COL25A1: variants seen among roughly 807,000 people sequenced by gnomAD.
The protein encoded by COL25A1 is collagen type XXV alpha 1 chain, also known as collagen alpha-1(XXV) chain.
In COL25A1, 103 loss-of-function variants were observed where a neutral mutation model predicts 128.4. That is an observed-to-expected ratio of 0.80 (90% CI 0.68 to 0.94). The LOEUF is 0.94. COL25A1 is among the 40% of genes least tolerant of loss of function. COL25A1 has a pLI of 0.00. For synonymous variants in COL25A1, 279 were observed against 277.2 expected, an observed-to-expected ratio of 1.01 and a Z score of -0.06; for missense variants, 745 against 840.0, an observed-to-expected ratio of 0.89 and a Z score of 1.40.
intron 3 of COL25A1, among the ~76,000 whole-genome samples, chr4:109,226,858 G>A (rs547452822): frequency 6.6e-6 from 1 of 152,144 alleles, no homozygotes; most frequent in South Asian, 2.1e-4. Context: ...ATTTTTGCAA[G>A]CACAAACACT....
chr4:109,134,085 C>A (rs1769472225), intron 3 of COL25A1, among the ~76,000 whole-genome samples: 1 of 151,004 alleles, frequency 6.6e-6, no homozygotes, highest in Non-Finnish European at 1.5e-5. Context: ...CAGAGGGAAG[C>A]ATGAAGATGA....
intron 3 of COL25A1, among the ~76,000 whole-genome samples, chr4:109,083,997 G>T (rs1764126258): frequency 6.6e-6 from 1 of 152,074 alleles, no homozygotes; most frequent in Non-Finnish European, 1.5e-5. Flanking sequence ...GTAGCATTTT[G>T]TTTTGTTTTA....
chr4:109,199,575 T>C (rs929269526), intron 3 of COL25A1, among the ~76,000 whole-genome samples: 1 of 152,226 alleles, frequency 6.6e-6, no homozygotes, highest in Non-Finnish European at 1.5e-5. Flanking sequence ...AATGCCTTTT[T>C]ATAGAAATGA....
Position 108,877,285 on chromosome 4 carries a change from A to G in COL25A1, c.1020+6893T>C, listed in dbSNP as rs117486775. Among the ~76,000 whole-genome samples the G allele has an allele frequency of 9.6e-4, 146 of 152,328 alleles. No homozygotes were observed. In the East Asian group the frequency reaches 0.022, roughly 23 times the overall value. ...TTCCATTTAGGCAGTCATAACTTCA[A>G]TCTTGTAGTATAAGCTCAGTGACTA... On this transcript the variant is annotated intron_variant, in intron 19 of 37. Transcript: ENST00000399132.
intron 3 of COL25A1, among the ~76,000 whole-genome samples, chr4:109,145,548 G>A (rs1578280878): frequency 6.6e-6 from 1 of 152,144 alleles, no homozygotes; most frequent in South Asian, 2.1e-4. Context: ...CATTAAGAGA[G>A]AAAGCACAGC....
chr4:109,286,291 A>G (rs1197206247), intron 3 of COL25A1, among the ~76,000 whole-genome samples: 1 of 152,170 alleles, frequency 6.6e-6, no homozygotes, highest in Non-Finnish European at 1.5e-5. Context: ...TACTATCATC[A>G]AACACAAAGA....
chr4:108,824,742 T>C (rs1474127408), intron 34 of COL25A1, among the ~76,000 whole-genome samples: 3 of 152,168 alleles, frequency 2.0e-5, no homozygotes, highest in African/African-American at 7.2e-5. Flanking sequence ...GGCATTTACT[T>C]TTGACATTCT....
chr4:109,120,949 A>G (rs1768055972), intron 3 of COL25A1, among the ~76,000 whole-genome samples: 1 of 152,196 alleles, frequency 6.6e-6, no homozygotes, highest in Admixed American at 6.6e-5. Flanking sequence ...AAGATATCAA[A>G]GAAGAACCAA....
intron 13 of COL25A1, among the ~76,000 whole-genome samples, chr4:108,913,363 G>A (rs191681752): frequency 2.7e-5 from 4 of 145,532 alleles, no homozygotes; most frequent in Non-Finnish European, 6.0e-5. Context: ...CGCCTCCAGG[G>A]TTCTCCTACC....
intron 5 of COL25A1, among the ~76,000 whole-genome samples, chr4:109,037,541 A>G (rs1759467227): frequency 6.6e-6 from 1 of 152,216 alleles, no homozygotes. Context: ...TTTCTTTTAC[A>G]TAGGTTCCAA....
intron 3 of COL25A1, among the ~76,000 whole-genome samples, chr4:109,178,350 G>A (rs1774290780): frequency 6.6e-6 from 1 of 152,172 alleles, no homozygotes; most frequent in African/African-American, 2.4e-5. Context: ...ACATTGGAGA[G>A]TTAAGAGAAA....
chr4:108,885,055 A>G (rs2125836414), intron 18 of COL25A1, among the ~76,000 whole-genome samples: 1 of 152,342 alleles, frequency 6.6e-6, no homozygotes, highest in African/African-American at 2.4e-5. Context: ...TCTCTGTTGG[A>G]TTGAAGTGAT....
At chr4:109,280,253 C>T (rs1431408859) in intron 3 of COL25A1, among the ~76,000 whole-genome samples, 1 of 152,204 alleles carries the variant, frequency 6.6e-6, no homozygotes, top group East Asian at 1.9e-4. Flanking sequence ...TACCCATCAA[C>T]TCAGACTATT....
chr4:109,104,862 GA>G (rs1345307896), intron 3 of COL25A1, among the ~76,000 whole-genome samples: 3 of 152,028 alleles, frequency 2.0e-5, no homozygotes, highest in African/African-American at 7.2e-5. Flanking sequence ...GAAAACACTG[GA>G]TATCTAGTGA....
intron 3 of COL25A1, among the ~76,000 whole-genome samples, chr4:109,289,535 C>T (rs142141861): frequency 1.7e-4 from 26 of 152,140 alleles, no homozygotes; most frequent in African/African-American, 5.1e-4. Context: ...CTCAGTTATG[C>T]TGCTAAATTG....
At position 109,119,477 on chromosome 4, in the gene COL25A1, A is replaced by T. The variant is rs547086252; in HGVS notation, c.368-69298T>A. Among the ~76,000 whole-genome samples the T allele has an allele frequency of 6.6e-5, 10 of 152,158 alleles. No individual in the cohort carries two copies. The East Asian group carries it at 1.9e-3, about 29-fold the overall frequency. On this transcript the variant is annotated intron_variant, in intron 3 of 37. Coordinates refer to ENST00000399132, the MANE Select transcript of COL25A1 (RefSeq NM_198721.4). The stretch of plus-strand genomic sequence containing the variant: ...AACACACAAATTGCTGATAAAGGAT[A>T]TGAGAGTAGGAATATCACTACAGAT...
chr4:108,886,478 G>GTT (rs1376745333), intron 18 of COL25A1, among the ~76,000 whole-genome samples: 1 of 125,424 alleles, frequency 8.0e-6, no homozygotes, highest in African/African-American at 3.1e-5. Context: ...GTGTGTGTGT[G>GTT]TGTGTGTGTG....
At chr4:109,011,405 C>T (rs1449950615) in intron 5 of COL25A1, among the ~76,000 whole-genome samples, 2 of 140,720 alleles carry the variant, frequency 1.4e-5, no homozygotes, top group Non-Finnish European at 3.0e-5. Context: ...TTTCCAAGAA[C>T]TTTGCCTGAA....
intron 35 of COL25A1, among the ~76,000 whole-genome samples, chr4:108,822,376 C>T (rs1000641744): frequency 6.6e-6 from 1 of 152,060 alleles, no homozygotes; most frequent in Non-Finnish European, 1.5e-5. Context: ...AGATTTTAGA[C>T]TCATACAACC....
Sources: allele counts gnomAD v4.1 joint callset (sites outside exome capture counted in the v4.1 genomes callset), GRCh38; gene constraint gnomAD v4.1.1; transcripts MANE v1.5; gene names NCBI Gene and HGNC (gene_info 2026-07-23, HGNC 2026-07-21).